The following MEF2A variants were observed in gnomAD, a reference collection of about 807,000 sequenced individuals.
MEF2A encodes the protein myocyte enhancer factor 2A.
A neutral mutation model predicts 55.8 loss-of-function variants in MEF2A; 28 were observed. That is an observed-to-expected ratio of 0.50 (90% CI 0.37 to 0.69). MEF2A has a LOEUF of 0.69. Among genes scored for constraint, MEF2A ranks in the 30% least tolerant of loss-of-function variants. The pLI is 0.00. For synonymous variants in MEF2A, 239 were observed against 227.1 expected (o/e 1.05, Z -0.47); for missense variants, 528 against 626.2 (o/e 0.84, Z 1.67).
intron 4 of MEF2A, among the ~76,000 whole-genome samples, chr15:99,653,653 T>C (rs1243391015): frequency 6.6e-6 from 1 of 152,218 alleles, no homozygotes; most frequent in Non-Finnish European, 1.5e-5. Context: ...GTAGTTCTCA[T>C]TTTAATTCAT....
At chr15:99,695,083 G>T (rs918856653) in intron 8 of MEF2A, among the ~76,000 whole-genome samples, 1 of 151,846 alleles carries the variant, frequency 6.6e-6, no homozygotes, top group African/African-American at 2.4e-5. Context: ...CTAGAATCAG[G>T]CATTTCTCCA....
intron 2 of MEF2A, among the ~76,000 whole-genome samples, chr15:99,611,643 A>G (rs532002712): frequency 1.9e-4 from 29 of 152,362 alleles, no homozygotes; most frequent in African/African-American, 6.0e-4. Context: ...TGTTGTTACC[A>G]TATGACCCAG....
intron 2 of MEF2A, among the ~76,000 whole-genome samples, chr15:99,614,937 G>T (rs887638277): frequency 5.9e-5 from 9 of 152,170 alleles, no homozygotes; most frequent in Non-Finnish European, 8.8e-5. Flanking sequence ...ACAGGATAAG[G>T]CAGAGCCTTA....
chr15:99,592,887 T>G (rs553132193), intron 1 of MEF2A, among the ~76,000 whole-genome samples: 2 of 152,234 alleles, frequency 1.3e-5, no homozygotes, highest in Non-Finnish European at 2.9e-5. Flanking sequence ...GGGACAGATA[T>G]CCAAATCATA....
At chr15:99,585,551 T>G (rs2581466) in intron 1 of MEF2A, among the ~76,000 whole-genome samples, 11 of 152,114 alleles carry the variant, frequency 7.2e-5, no homozygotes, top group Non-Finnish European at 1.6e-4. Context: ...TGGCTTTTAC[T>G]GTAATATTTG....
intron 2 of MEF2A, among the ~76,000 whole-genome samples, chr15:99,620,079 A>G (rs1029075093): frequency 6.6e-6 from 1 of 152,228 alleles, no homozygotes; most frequent in Non-Finnish European, 1.5e-5. Flanking sequence ...AGTGGTGTGT[A>G]TTTTAGAAAA....
chr15:99,614,045 ACT>A (rs1432738317), intron 2 of MEF2A, among the ~76,000 whole-genome samples: 2 of 151,918 alleles, frequency 1.3e-5, no homozygotes, highest in Non-Finnish European at 2.9e-5. Flanking sequence ...CAAAATTTCA[ACT>A]CTGCCTCCTA....
chr15:99,704,440 C>A (rs528915722), intron 9 of MEF2A, among the ~76,000 whole-genome samples: 1 of 152,224 alleles, frequency 6.6e-6, no homozygotes, highest in African/African-American at 2.4e-5. Flanking sequence ...CTTAATGATA[C>A]CATAATGATC....
chr15:99,678,600 AT>A, intron 7 of MEF2A: 2 of 956,882 alleles, frequency 2.1e-6, no homozygotes, highest in Non-Finnish European at 1.2e-6. Context: ...TCGTATTTTA[AT>A]TTTTGTTGCA....
rs1352652886 is a variant in MEF2A at position 99,690,453 on chromosome 15, C to CA, written c.858+26dup. 1.9e-6 allele frequency: 3 copies of CA among 1,555,670 alleles called. No individual in the cohort carries two copies. In the African/African-American group the frequency reaches 4.1e-5, roughly 21 times the overall value. On this transcript the variant is annotated intron_variant, in intron 8 of 11. Coordinates refer to ENST00000557942, the MANE Select transcript of MEF2A (RefSeq NM_001319206.4). ...AGTAAGTTGAACCTTTCTTCAACTT[C>CA]ATTCTTTAAAACACATATTTTATAC...
In MEF2A at chr15:99,674,376, T is replaced by C; in HGVS notation, c.391-17T>C. 3 of 1,579,200 alleles carry C rather than the reference T, an allele frequency of 1.9e-6. No homozygotes were observed. Among genetic ancestry groups the C allele is most frequent in the South Asian group, 1.2e-5 (1 of 86,184 alleles). On this transcript the variant is annotated splice_polypyrimidine_tract_variant and intron_variant, in intron 5 of 11. Coordinates refer to ENST00000557942, the MANE Select transcript of MEF2A (RefSeq NM_001319206.4). Reference sequence around the variant, plus strand: ...TACGAAACCAACAGTTTTTTCCTTCTTTTTCTTTATTTACAGCCTGGTCTG... The same window carrying C: ...TACGAAACCAACAGTTTTTTCCTTCCTTTTCTTTATTTACAGCCTGGTCTG...
At chr15:99,607,548 T>C (rs1471484576) in intron 2 of MEF2A, among the ~76,000 whole-genome samples, 2 of 152,176 alleles carry the variant, frequency 1.3e-5, no homozygotes, top group Non-Finnish European at 2.9e-5. Flanking sequence ...TTCATCTTTT[T>C]GTATGATTTA....
In MEF2A at chr15:99,715,887, T is replaced by A. The variant is rs28377673; in HGVS notation, c.*3116T>A. 1.3e-5 allele frequency: 2 copies of A among 152,362 alleles called. No individual in the cohort carries two copies. The highest frequency in any genetic ancestry group is 6.5e-5 in the Admixed American group (1 of 15,296). 9.4% of individuals were successfully genotyped at this position (152,362 alleles called of 1,614,324 possible). On this transcript the variant is annotated 3_prime_UTR_variant, in exon 12 of 12. Coordinates refer to ENST00000557942, the MANE Select transcript of MEF2A (RefSeq NM_001319206.4). ...AAACTCCATCTTTTGAGCCCAATTA[T>A]GTCCATTTTGTTATAGACTAAATCA...
At position 99,712,499 on chromosome 15, in the gene MEF2A, G is replaced by A; in HGVS notation, c.1246G>A (p.Gly416Ser). The change falls in exon 12 of 12, where the codon GGC (glycine) becomes AGC (serine). Residue 416 changes from glycine to serine, a missense_variant. Coordinates refer to ENST00000557942, the MANE Select transcript of MEF2A (RefSeq NM_001319206.4). This position sits in a 1 kb window ranked among gnomAD's most constrained non-coding sequence, Gnocchi z 4.1. ...SPPRDRMTPS[G>S]FQQQQQQQQQ... ...TCCTCGGGATCGTATGACCCCATCGGGCTTCCAGCAGCAGCAGCAGCAGCA... is the reference window on the plus strand; with the variant it reads ...TCCTCGGGATCGTATGACCCCATCGAGCTTCCAGCAGCAGCAGCAGCAGCA... The A allele has an allele frequency of 6.5e-7, 1 of 1,542,532 alleles. No homozygotes were observed. The highest frequency in any genetic ancestry group is 1.2e-5 in the South Asian group (1 of 83,482).
intron 2 of MEF2A, among the ~76,000 whole-genome samples, chr15:99,627,352 A>G (rs756847224): frequency 7.5e-6 from 1 of 133,280 alleles, no homozygotes; most frequent in South Asian, 2.7e-4. Context: ...CCCAGGAGGT[A>G]GAGGTTTCAG....
intron 4 of MEF2A, among the ~76,000 whole-genome samples, chr15:99,650,355 C>T (rs990376921): frequency 7.9e-5 from 12 of 152,170 alleles, no homozygotes; most frequent in African/African-American, 2.7e-4. Flanking sequence ...TTTATACATA[C>T]ACCAATCATG....
intron 1 of MEF2A, among the ~76,000 whole-genome samples, chr15:99,580,821 G>GA (rs1171998111): frequency 1.3e-5 from 2 of 152,110 alleles, no homozygotes; most frequent in African/African-American, 2.4e-5. Flanking sequence ...TTAGCTTTTT[G>GA]AAAATTAAAC....
At chr15:99,685,921 T>A (rs1436687485) in intron 7 of MEF2A, among the ~76,000 whole-genome samples, 1 of 152,188 alleles carries the variant, frequency 6.6e-6, no homozygotes, top group African/African-American at 2.4e-5. Context: ...AGAATTCGGC[T>A]CTGAATTCAT....
chr15:99,706,026 T>A (rs941908378), intron 9 of MEF2A, among the ~76,000 whole-genome samples: 6 of 152,326 alleles, frequency 3.9e-5, no homozygotes, highest in Non-Finnish European at 8.8e-5. Flanking sequence ...ATTTTTTTTA[T>A]CCATTCCCAG....
Sources: gnomAD v4.1 joint callset for allele counts (sites outside exome capture counted in the v4.1 genomes callset) on GRCh38, gnomAD v4.1.1 for gene constraint, Gnocchi (gnomAD v3.1) non-coding constraint, MANE v1.5 for transcripts, NCBI Gene and HGNC (gene_info 2026-07-23, HGNC 2026-07-21) for gene names.